The following ATP11A variants were observed in gnomAD, a reference collection of about 807,000 sequenced individuals.
The protein encoded by ATP11A is ATPase phospholipid transporting 11A.
In ATP11A, 81 loss-of-function variants were observed where a neutral mutation model predicts 154.4. That is an observed-to-expected ratio of 0.52 (90% CI 0.44 to 0.63). The LOEUF (loss-of-function observed/expected upper bound fraction) is 0.63, where lower values mean the gene tolerates loss of function less well. Ranked by LOEUF, ATP11A falls within the 30% of genes least tolerant of loss-of-function variation. The pLI is 0.00. For synonymous variants in ATP11A, 623 were observed against 585.9 expected (o/e 1.06, Z -0.91); for missense variants, 1,316 against 1,474.3 (o/e 0.89, Z 1.76).
intron 29 of ATP11A, chr13:112,878,594 G>A: frequency 2.0e-6 from 1 of 503,158 alleles, no homozygotes; most frequent in East Asian, 3.4e-5. Flanking sequence ...CGGAGAGCTG[G>A]CCACATGACC....
intron 1 of ATP11A, among the ~76,000 whole-genome samples, chr13:112,777,315 G>A (rs1222162113): frequency 6.6e-6 from 1 of 152,222 alleles, no homozygotes; most frequent in African/African-American, 2.4e-5. Flanking sequence ...CGTAATCCCA[G>A]CACTTTGGAA....
Position 112,802,333 on chromosome 13 carries a change from G to A in ATP11A, c.163-2624G>A, listed in dbSNP as rs147315646. 3.8e-3 allele frequency among the ~76,000 whole-genome samples: 584 copies of A among 151,944 alleles called. 2 individuals carry two copies. Among genetic ancestry groups the A allele is most frequent in the African/African-American group, 0.012 (487 of 41,444 alleles). On this transcript the variant is annotated intron_variant, in intron 2 of 29. Coordinates refer to ENST00000375645, the MANE Select transcript of ATP11A (RefSeq NM_015205.3). ...TGCACTCCAGCCTGGGCAACAGAGC[G>A]AGACTCCGTCTCACAAAAAAAAAAG...
At chr13:112,832,648 C>T (rs1254330783) in intron 13 of ATP11A, among the ~76,000 whole-genome samples, 2 of 152,226 alleles carry the variant, frequency 1.3e-5, no homozygotes, top group Non-Finnish European at 2.9e-5. Context: ...TAGCCTTCCT[C>T]ACCCGTCAGT....
intron 21 of ATP11A, 29 bp downstream of exon 21, chr13:112,857,949 C>G (rs1261571704): frequency 6.2e-7 from 1 of 1,609,410 alleles, no homozygotes; most frequent in East Asian, 2.2e-5. Context: ...GCTGGCACAT[C>G]CTGGTGGCCA....
At chr13:112,788,021 C>T (rs1175582013) in intron 2 of ATP11A, among the ~76,000 whole-genome samples, 4 of 150,340 alleles carry the variant, frequency 2.7e-5, no homozygotes, top group African/African-American at 7.3e-5. Context: ...TGGAGACCTA[C>T]TTAATTCACA....
chr13:112,806,252 C>G lies in ATP11A; in HGVS notation c.292C>G (p.Leu98Val). The G allele has an allele frequency of 1.2e-6, 2 of 1,613,710 alleles. No homozygotes were observed. Among genetic ancestry groups the G allele is most frequent in the Non-Finnish European group, 1.7e-6 (2 of 1,179,790 alleles). ...ACCCACAAGTCCAGTGACAAGCGGA[C>G]TTCCACTCTTCTTTGTCATTACTGT... The part of the protein sequence containing the change: ...DTPTSPVTSG[L>V]PLFFVITVTA... Residue 98 changes from leucine to valine, a missense_variant, in exon 4 of 30, where the codon CTT becomes GTT. Physicochemically the swap from Leu to Val is conservative, Grantham distance 32. This residue lies in a region of ATP11A where 4 missense variants were observed against 16.9 expected (regional missense o/e 0.24). Coordinates refer to ENST00000375645, the MANE Select transcript of ATP11A (RefSeq NM_015205.3).
chr13:112,879,233 AG>A (rs1274558073), intron 29 of ATP11A, among the ~76,000 whole-genome samples: 1 of 152,282 alleles, frequency 6.6e-6, no homozygotes, highest in Non-Finnish European at 1.5e-5. Context: ...AAGCAGAAAA[AG>A]GCTTCTTTTC....
rs1886224523 is a variant in ATP11A, at chr13:112,699,153, T to A, written c.39+8698T>A. On this transcript the variant is annotated intron_variant, in intron 1 of 29. Coordinates refer to ENST00000375645, the MANE Select transcript of ATP11A (RefSeq NM_015205.3). The stretch of plus-strand genomic sequence containing the variant: ...ATTTGTGTTCACATTCAGAAATTTG[T>A]TAGTGACATATTTTCACTTATTTGC... Among the ~76,000 whole-genome samples, 3 of 152,266 alleles carry A rather than the reference T, an allele frequency of 2.0e-5. No individual in the cohort carries two copies. In the South Asian group the frequency reaches 6.2e-4, roughly 31 times the overall value.
chr13:112,828,602 A>ATG (rs2079009733), intron 12 of ATP11A, among the ~76,000 whole-genome samples: 1 of 144,184 alleles, frequency 6.9e-6, no homozygotes, highest in Non-Finnish European at 1.5e-5. Context: ...GTTGAGTGCA[A>ATG]GGGAAAGCGC....
intron 1 of ATP11A, among the ~76,000 whole-genome samples, chr13:112,743,713 T>C (rs1460700486): frequency 6.6e-6 from 1 of 152,358 alleles, no homozygotes; most frequent in South Asian, 2.1e-4. Flanking sequence ...TAGGCAGATG[T>C]AGGTTCCTTT....
rs752774629 is a variant in ATP11A, at chr13:112,858,190, A to G, written c.2567A>G (p.Tyr856Cys). The G allele has an allele frequency of 6.2e-6, 10 of 1,614,040 alleles. No homozygotes were observed. Among genetic ancestry groups the G allele is most frequent in the Admixed American group, 3.3e-5 (2 of 60,028 alleles). Residue 856 changes from tyrosine to cysteine, a missense_variant, in exon 22 of 30, where the codon TAT becomes TGT. Around this residue, in one of 5 missense-constraint regions of ATP11A, gnomAD observed 876 missense variants for 1,006.8 expected, o/e 0.87. Transcript: ENST00000375645. Reference sequence around the variant, plus strand: ...CGCCAGGCTGCCAGGAACAGCGACTATGCAATCCCAAAGTTTAAGCATTTG... The same window carrying G: ...CGCCAGGCTGCCAGGAACAGCGACTGTGCAATCCCAAAGTTTAAGCATTTG... The part of the protein sequence containing the change: ...EGRQAARNSD[Y>C]AIPKFKHLKK...
intron 1 of ATP11A, among the ~76,000 whole-genome samples, chr13:112,714,813 G>A (rs1440792137): frequency 6.6e-6 from 1 of 152,168 alleles, no homozygotes; most frequent in African/African-American, 2.4e-5. Flanking sequence ...GCAACATCTT[G>A]TCTAGATTTA....
chr13:112,822,743 CAAAAA>C (rs764140319), intron 8 of ATP11A, among the ~76,000 whole-genome samples: 6 of 71,086 alleles, frequency 8.4e-5, no homozygotes, highest in Non-Finnish European at 1.3e-4. Context: ...GACCCTGTTG[CAAAAA>C]AAAAAAAAAA....
At chr13:112,698,758 C>T (rs1886173281) in intron 1 of ATP11A, among the ~76,000 whole-genome samples, 1 of 152,130 alleles carries the variant, frequency 6.6e-6, no homozygotes, top group Admixed American at 6.5e-5. Flanking sequence ...CACTCTGTCA[C>T]CCAGGCTGGA....
intron 1 of ATP11A, among the ~76,000 whole-genome samples, chr13:112,702,422 C>A (rs563992838): frequency 6.6e-6 from 1 of 152,194 alleles, no homozygotes; most frequent in Non-Finnish European, 1.5e-5. Flanking sequence ...CCCCGCCCCC[C>A]GCGTGTTCCA....
At chr13:112,737,790 C>T (rs1332847762) in intron 1 of ATP11A, among the ~76,000 whole-genome samples, 1 of 152,180 alleles carries the variant, frequency 6.6e-6, no homozygotes, top group Non-Finnish European at 1.5e-5. Flanking sequence ...GAAGCAGCTC[C>T]GTGTCTTGGA....
intron 20 of ATP11A, 143 bp downstream of exon 20, chr13:112,856,228 T>A: frequency 1.2e-6 from 1 of 815,838 alleles, no homozygotes; most frequent in Non-Finnish European, 1.8e-6. Flanking sequence ...GATAGAGATT[T>A]AAAACGCAGA....
At chr13:112,855,358 A>G (rs140694421) in intron 19 of ATP11A, among the ~76,000 whole-genome samples, 1 of 152,280 alleles carries the variant, frequency 6.6e-6, no homozygotes, top group Non-Finnish European at 1.5e-5. Flanking sequence ...CTCACCTTTT[A>G]ATAGAGACAG....
chr13:112,767,686 C>A (rs1393107782), intron 1 of ATP11A, among the ~76,000 whole-genome samples: 1 of 152,114 alleles, frequency 6.6e-6, no homozygotes, highest in Non-Finnish European at 1.5e-5. Context: ...GATACCCAGT[C>A]TCACAATAAA....
Sources: gnomAD v4.1 joint callset for allele counts (sites outside exome capture counted in the v4.1 genomes callset) on GRCh38, gnomAD v4.1.1 for gene constraint, gnomAD v4.1.1 regional missense constraint, MANE v1.5 for transcripts, NCBI Gene and HGNC (gene_info 2026-07-23, HGNC 2026-07-21) for gene names.